The following MTUS1 variants were observed in gnomAD, a reference collection of about 807,000 sequenced individuals.
The protein encoded by MTUS1 is microtubule associated scaffold protein 1.
Under a neutral mutation model 120.8 loss-of-function variants are expected in MTUS1, and 109 were observed. That is an observed-to-expected ratio of 0.90 (90% confidence interval 0.77 to 1.06). The LOEUF (loss-of-function observed/expected upper bound fraction) is 1.06, where lower values mean the gene tolerates loss of function less well. Ranked by LOEUF, MTUS1 falls within the 50% of genes least tolerant of loss-of-function variation. The pLI, the probability that MTUS1 is intolerant of heterozygous loss-of-function variation, is 0.00. For missense variants in MTUS1, 2,210 were observed against 1,486.3 expected, an observed-to-expected ratio of 1.49 and a Z score of -8.01; for synonymous variants, 737 against 550.5, an observed-to-expected ratio of 1.34 and a Z score of -4.74.
rs202225481 is a variant in MTUS1, at chr8:17,754,440, C to G, written c.1368G>C (p.Lys456Asn). ...GTATGTTTTTAAGCCCTCGATTACC[C>G]TTCTCCACTTTCTTACATTTCTCCG... is the stretch of plus-strand genomic sequence containing the variant. Reference protein sequence around the residue: ...EATEKCKKVEKGNRGLKNIPD... With the variant: ...EATEKCKKVENGNRGLKNIPD... The change falls in exon 2 of 15, where the codon AAG (lysine) becomes AAC (asparagine). Residue 456 changes from lysine (K) to asparagine (N), a missense_variant. Coordinates refer to ENST00000693296, the MANE Select transcript of MTUS1 (RefSeq NM_001363059.2). 87 of 1,614,084 alleles carry G rather than the reference C, an allele frequency of 5.4e-5. No homozygotes were observed. Among genetic ancestry groups the G allele is most frequent in the Admixed American group, 4.8e-4 (29 of 60,006 alleles).
chr8:17,775,145 A>G (rs886603771), intron 1 of MTUS1, among the ~76,000 whole-genome samples: 4 of 152,088 alleles, frequency 2.6e-5, no homozygotes, highest in African/African-American at 9.7e-5. Flanking sequence ...TCTGTGTGGG[A>G]TGATGAACAA....
chr8:17,653,309 A>C, intron 11 of MTUS1, 28 bp from the exon 12 acceptor site: 1 of 1,500,226 alleles, frequency 6.7e-7, no homozygotes, highest in Non-Finnish European at 9.0e-7. Context: ...GTGGAACTTA[A>C]GTTAACAAGA....
rs550695914 is a variant in MTUS1, at chr8:17,666,200, G to C, written c.2905+8986C>G. 4.8e-5 allele frequency among the ~76,000 whole-genome samples: 7 copies of C among 146,576 alleles called. No individual in the cohort carries two copies. The South Asian group carries it at 1.1e-3, about 22-fold the overall frequency. Reference sequence around the variant, plus strand: ...GAGGCGAGAGCACAGCTGAATATCTGACAATATGTTCTAAGATTCAGGCCT... The same window carrying C: ...GAGGCGAGAGCACAGCTGAATATCTCACAATATGTTCTAAGATTCAGGCCT... On this transcript the variant is annotated intron_variant, in intron 8 of 14. Transcript: ENST00000693296.
rs575722066 is a variant in MTUS1 at position 17,767,617 on chromosome 8, T to C, written c.-154-11656A>G. Among the ~76,000 whole-genome samples, 5 of 149,606 alleles carry C rather than the reference T, an allele frequency of 3.3e-5. No homozygotes were observed. The East Asian group carries it at 9.9e-4, about 30-fold the overall frequency. On this transcript the variant is annotated intron_variant, in intron 1 of 14. Coordinates refer to ENST00000693296, the MANE Select transcript of MTUS1 (RefSeq NM_001363059.2). Reference sequence around the variant, plus strand: ...GAAGGCTGAGGGCAGGAGGACTGCCTGAGCCCAGGATTTCGAGGTTACAGT... The same window carrying C: ...GAAGGCTGAGGGCAGGAGGACTGCCCGAGCCCAGGATTTCGAGGTTACAGT...
At chr8:17,749,653 C>G (rs1391541655) in intron 2 of MTUS1, among the ~76,000 whole-genome samples, 2 of 132,820 alleles carry the variant, frequency 1.5e-5, no homozygotes, top group Admixed American at 8.1e-5. Context: ...AACAGAGAAT[C>G]TGTCTCAAAA....
At chr8:17,745,515 T>C (rs2047676503) in intron 2 of MTUS1, among the ~76,000 whole-genome samples, 2 of 152,328 alleles carry the variant, frequency 1.3e-5, no homozygotes, top group Admixed American at 1.3e-4. Flanking sequence ...AGCCCATAGA[T>C]ACAGAGGGCT....
chr8:17,787,170 C>T (rs528277338), intron 1 of MTUS1, among the ~76,000 whole-genome samples: 4 of 152,180 alleles, frequency 2.6e-5, no homozygotes, highest in Admixed American at 1.3e-4. Context: ...CACTGCTCCA[C>T]GCCAGGCCAG....
At position 17,656,045 on chromosome 8, in the gene MTUS1, C is replaced by A. The variant is rs1808152912; in HGVS notation, c.2926G>T (p.Glu976Ter). Residue 976 changes from glutamate to a stop codon, truncating the protein, a stop_gained, in exon 9 of 15, where the codon GAG (glutamate) becomes TAG (stop). Coordinates refer to ENST00000693296, the MANE Select transcript of MTUS1 (RefSeq NM_001363059.2). LOFTEE classifies it high-confidence loss of function. ...TCATTCCTGGCTTTTTCTAATTTCTCACAGGTGGTTGAAGCAGTGACTGAA... is the reference window on the plus strand; with the variant it reads ...TCATTCCTGGCTTTTTCTAATTTCTAACAGGTGGTTGAAGCAGTGACTGAA... ...GELVTASTTCEKLEKARNELQ... is the reference protein window; with the variant it reads ...GELVTASTTC The A allele has an allele frequency of 6.2e-7, 1 of 1,614,036 alleles. No individual in the cohort carries two copies. Among genetic ancestry groups the A allele is most frequent in the Non-Finnish European group, 8.5e-7 (1 of 1,180,052 alleles).
intron 2 of MTUS1, among the ~76,000 whole-genome samples, chr8:17,744,277 T>G (rs2047560036): frequency 6.6e-6 from 1 of 152,196 alleles, no homozygotes; most frequent in African/African-American, 2.4e-5. Flanking sequence ...TTTAAAAGTC[T>G]AAATAGGTAA....
intron 10 of MTUS1, chr8:17,654,286 C>A (rs1385347013): frequency 2.1e-6 from 1 of 470,640 alleles, no homozygotes. Context: ...TCCCAGGGAC[C>A]TAAGCTGGCA....
In MTUS1 at chr8:17,755,026, C is replaced by T; in HGVS notation, c.782G>A (p.Gly261Glu). Residue 261 changes from glycine (G) to glutamate (E), a missense_variant, in exon 2 of 15, where the codon GGA becomes GAA. Transcript: ENST00000693296. ...MQSEVFVSDI[G>E]NQCACSSGKV... Reference sequence around the variant, plus strand: ...TCCTGAAGAACATGCACACTGATTTCCAATATCTGAAACAAAAACCTCACT... The same window carrying T: ...TCCTGAAGAACATGCACACTGATTTTCAATATCTGAAACAAAAACCTCACT... 1 of 1,613,928 alleles carries T rather than the reference C, an allele frequency of 6.2e-7. No homozygotes were observed.
chr8:17,684,210 G>T, intron 7 of MTUS1, 118 bp downstream of exon 7: 1 of 726,534 alleles, frequency 1.4e-6, no homozygotes, highest in Non-Finnish European at 2.4e-6. Context: ...TGGGATGAAT[G>T]ACACCTGATC....
At chr8:17,715,684 C>T in intron 5 of MTUS1, 83 bp downstream of exon 5, 1 of 1,357,258 alleles carries the variant, frequency 7.4e-7, no homozygotes, top group Admixed American at 2.3e-5. Context: ...TACCATAAAC[C>T]TAATTGTCAA....
At chr8:17,704,865 T>C (rs374673195) in intron 6 of MTUS1, among the ~76,000 whole-genome samples, 1 of 152,226 alleles carries the variant, frequency 6.6e-6, no homozygotes, top group East Asian at 1.9e-4. Context: ...GGTATGTCCA[T>C]TTAGCTTCTA....
intron 1 of MTUS1, among the ~76,000 whole-genome samples, chr8:17,793,099 C>T (rs745694947): frequency 6.6e-6 from 1 of 152,272 alleles, no homozygotes; most frequent in Middle Eastern, 3.4e-3. Flanking sequence ...AGAAAACAGC[C>T]CAAGTCCCTA....
chr8:17,732,365 G>T (rs1332321020), intron 3 of MTUS1, among the ~76,000 whole-genome samples: 3 of 152,150 alleles, frequency 2.0e-5, no homozygotes, highest in Admixed American at 1.3e-4. Context: ...AGTATTGGAT[G>T]CAATTGGTTC....
chr8:17,684,683 C>A, intron 6 of MTUS1, 141 bp from the exon 7 acceptor site: 5 of 676,448 alleles, frequency 7.4e-6, no homozygotes, highest in Middle Eastern at 4.1e-4. Context: ...TGGATGAGAA[C>A]TGGAATGAAT....
intron 13 of MTUS1, among the ~76,000 whole-genome samples, chr8:17,647,456 T>TG (rs1554562106): frequency 2.8e-5 from 4 of 143,900 alleles, no homozygotes; most frequent in African/African-American, 1.0e-4. Flanking sequence ...TGAATTTTGC[T>TG]GGAAAAAAAA....
At chr8:17,701,006 G>C (rs917780945) in intron 6 of MTUS1, among the ~76,000 whole-genome samples, 4 of 152,082 alleles carry the variant, frequency 2.6e-5, no homozygotes, top group Admixed American at 6.5e-5. Context: ...AGCATAATCT[G>C]TATGGGGTGC....
Sources: allele counts gnomAD v4.1 joint callset (sites outside exome capture counted in the v4.1 genomes callset), GRCh38; gene constraint gnomAD v4.1.1; transcripts MANE v1.5; gene names NCBI Gene and HGNC (gene_info 2026-07-23, HGNC 2026-07-21).